CDK6: variants seen among roughly 807,000 people sequenced by gnomAD.
CDK6 encodes the protein cyclin-dependent kinase 6.
In CDK6, 6 loss-of-function variants were observed where a neutral mutation model predicts 37.1. The ratio of observed to expected loss-of-function variants is 0.16; its 90% confidence interval spans 0.09 to 0.32. CDK6 has a LOEUF of 0.32. CDK6 is among the 10% of genes least tolerant of loss of function. The pLI is 1.00. For synonymous variants in CDK6, 160 were observed against 161.3 expected (o/e 0.99, Z 0.06); for missense variants, 224 against 418.9 (o/e 0.53, Z 4.06).
intron 2 of CDK6, among the ~76,000 whole-genome samples, chr7:92,777,622 T>C (rs1383780206): frequency 6.6e-6 from 1 of 152,220 alleles, no homozygotes; most frequent in East Asian, 1.9e-4. Flanking sequence ...CCATGCTGTT[T>C]TGGTTACTGT....
In CDK6 at chr7:92,778,946, T is replaced by TAA. The variant is rs1554412777; in HGVS notation, c.234-4117_234-4116dup. On this transcript the variant is annotated intron_variant, in intron 2 of 7. Transcript: ENST00000424848. The stretch of plus-strand genomic sequence containing the variant: ...TATCATATATATATATATATATATA[T>TAA]AAGATATTATAGTAATTTCCAAAAG... 2.1e-4 allele frequency among the ~76,000 whole-genome samples: 29 copies of TAA among 135,004 alleles called. 3 individuals carry two copies. The highest frequency in any genetic ancestry group is 7.5e-4 in the African/African-American group (25 of 33,552). The allele number at this position is 135,004 out of a possible 152,430, so 88.6% of individuals were successfully genotyped here.
At chr7:92,725,428 ACAAGCC>A in intron 4 of CDK6, 192 bp downstream of exon 4, 1 of 729,840 alleles carries the variant, frequency 1.4e-6, no homozygotes, top group Non-Finnish European at 1.7e-6. Context: ...CCTGTCCACA[ACAAGCC>A]CAGGCTGGAT....
rs1192494441 is a variant in CDK6 at position 92,607,290 on chromosome 7, C to G, written c.*7850G>C. On this transcript the variant is annotated 3_prime_UTR_variant, in exon 8 of 8. Coordinates refer to ENST00000424848, the MANE Select transcript of CDK6 (RefSeq NM_001145306.2). Reference sequence around the variant, plus strand: ...GAGGAGGCACCACCCAGGCACTGGTCTCTGCCTGGCATCTATTCCGAGGGC... The same window carrying G: ...GAGGAGGCACCACCCAGGCACTGGTGTCTGCCTGGCATCTATTCCGAGGGC... The G allele has an allele frequency of 4.3e-6, 1 of 233,604 alleles. No individual in the cohort carries two copies. The highest frequency in any genetic ancestry group is 2.2e-5 in the African/African-American group (1 of 45,342). 14.5% of individuals were successfully genotyped at this position (233,604 alleles called of 1,614,324 possible). A position where few individuals can be genotyped will look rare whatever the true frequency, so the allele number is the denominator to read the frequency against.
At chr7:92,762,167 A>G (rs2282993) in intron 3 of CDK6, among the ~76,000 whole-genome samples, 18,991 of 152,208 alleles carry the variant, frequency 0.12, 1,375 homozygotes, top group South Asian at 0.29. Context: ...TGGGGGGGAC[A>G]AGAATTAGCA....
At chr7:92,636,648 T>C (rs1258460056) in intron 5 of CDK6, among the ~76,000 whole-genome samples, 1 of 152,138 alleles carries the variant, frequency 6.6e-6, no homozygotes, top group African/African-American at 2.4e-5. Context: ...TAAAAATATA[T>C]GTTAAAAAAG....
intron 2 of CDK6, among the ~76,000 whole-genome samples, chr7:92,805,921 G>C (rs1260990638): frequency 6.6e-6 from 1 of 152,172 alleles, no homozygotes; most frequent in Non-Finnish European, 1.5e-5. Context: ...TCTTCTTGTA[G>C]GGGAAGGGGA....
intron 3 of CDK6, among the ~76,000 whole-genome samples, chr7:92,771,298 A>T (rs1207102912): frequency 4.0e-5 from 6 of 150,798 alleles, no homozygotes; most frequent in African/African-American, 1.2e-4. Flanking sequence ...TCAAAAAAAA[A>T]AAAATAAATA....
At chr7:92,805,774 C>A (rs561964843) in intron 2 of CDK6, among the ~76,000 whole-genome samples, 2 of 152,198 alleles carry the variant, frequency 1.3e-5, no homozygotes, top group South Asian at 4.1e-4. Context: ...TTGTTCCCCC[C>A]GTACAATAAA....
intron 5 of CDK6, among the ~76,000 whole-genome samples, chr7:92,629,777 A>G (rs1270960611): frequency 6.6e-6 from 1 of 152,106 alleles, no homozygotes; most frequent in East Asian, 1.9e-4. Context: ...TGGCTTAAAC[A>G]ACAGAAATTA....
chr7:92,821,174 G>GA (rs1247534197), intron 2 of CDK6, among the ~76,000 whole-genome samples: 1 of 152,102 alleles, frequency 6.6e-6, no homozygotes, highest in Non-Finnish European at 1.5e-5. Context: ...CTTTGATGCT[G>GA]AAAGGGAAGC....
chr7:92,662,406 G>T (rs1171089810), intron 5 of CDK6, among the ~76,000 whole-genome samples: 2 of 152,028 alleles, frequency 1.3e-5, no homozygotes, highest in African/African-American at 2.4e-5. Flanking sequence ...CAAAGGAGGG[G>T]AGCTGGAGGG....
intron 4 of CDK6, among the ~76,000 whole-genome samples, chr7:92,711,722 C>A (rs1798098842): frequency 6.6e-6 from 1 of 151,596 alleles, no homozygotes; most frequent in Non-Finnish European, 1.5e-5. Flanking sequence ...CACATACCAC[C>A]ATGCCTGGCT....
At chr7:92,635,233 C>T (rs946664826) in intron 5 of CDK6, among the ~76,000 whole-genome samples, 18 of 152,172 alleles carry the variant, frequency 1.2e-4, no homozygotes, top group Non-Finnish European at 7.4e-5. Context: ...CCTGGCAAAC[C>T]GGCCTGTCAG....
intron 3 of CDK6, 30 bp downstream of exon 3, chr7:92,774,666 C>T (rs2115783652): frequency 1.3e-6 from 2 of 1,551,886 alleles, no homozygotes; most frequent in South Asian, 1.3e-5. Context: ...AGTCGACTGC[C>T]TGATAAGACA....
chr7:92,687,219 C>T (rs1797478211), intron 4 of CDK6, among the ~76,000 whole-genome samples: 1 of 152,184 alleles, frequency 6.6e-6, no homozygotes, highest in South Asian at 2.1e-4. Flanking sequence ...TCTCTTACAG[C>T]CCTTGCTGAC....
intron 4 of CDK6, among the ~76,000 whole-genome samples, chr7:92,714,569 C>T (rs78414587): frequency 6.6e-6 from 1 of 152,110 alleles, no homozygotes; most frequent in Non-Finnish European, 1.5e-5. Flanking sequence ...TATGGCTGTT[C>T]CCACAGCTCC....
chr7:92,711,545 T>A (rs1357849008), intron 4 of CDK6, among the ~76,000 whole-genome samples: 1 of 143,810 alleles, frequency 7.0e-6, no homozygotes, highest in African/African-American at 2.6e-5. Flanking sequence ...CTACCTGGAA[T>A]GGTCAAATTT....
chr7:92,729,770 C>T (rs1798599964), intron 3 of CDK6, among the ~76,000 whole-genome samples: 1 of 152,156 alleles, frequency 6.6e-6, no homozygotes, highest in Admixed American at 6.5e-5. Context: ...TTTTTAGAGG[C>T]AGGGTCTTGC....
intron 3 of CDK6, among the ~76,000 whole-genome samples, chr7:92,745,575 A>G (rs1206553966): frequency 2.6e-5 from 4 of 152,198 alleles, no homozygotes. Flanking sequence ...GCATCTTAGA[A>G]CTGATCAAAT....
Sources: allele counts gnomAD v4.1 joint callset (sites outside exome capture counted in the v4.1 genomes callset), GRCh38; gene constraint gnomAD v4.1.1; transcripts MANE v1.5; gene names NCBI Gene and HGNC (gene_info 2026-07-23, HGNC 2026-07-21).